Variants in TIAM1 observed in about 807,000 individuals in gnomAD.
TIAM1 encodes TIAM Rac1 associated GEF 1, also known as rho guanine nucleotide exchange factor TIAM1.
In TIAM1, 65 loss-of-function variants were observed where a neutral mutation model predicts 163.5. The ratio of observed to expected loss-of-function variants is 0.40; its 90% CI spans 0.33 to 0.49. The LOEUF (loss-of-function observed/expected upper bound fraction) is 0.49, where lower values mean the gene tolerates loss of function less well. Among genes scored for constraint, TIAM1 ranks in the 20% least tolerant of loss-of-function variants. TIAM1 has a pLI of 0.77. For synonymous variants in TIAM1, 833 were observed against 810.1 expected, an observed-to-expected ratio of 1.03 and a Z score of -0.48; for missense variants, 1,789 against 2,044.7, an observed-to-expected ratio of 0.87 and a Z score of 2.41.
At chr21:31,278,582 A>G (rs1299929564) in intron 2 of TIAM1, among the ~76,000 whole-genome samples, 3 of 152,236 alleles carry the variant, frequency 2.0e-5, no homozygotes, top group African/African-American at 7.2e-5. Flanking sequence ...AAAACTGCCT[A>G]TTTTGTGGAA....
intron 2 of TIAM1, among the ~76,000 whole-genome samples, chr21:31,417,836 T>C (rs1338066913): frequency 6.6e-6 from 1 of 152,090 alleles, no homozygotes; most frequent in Non-Finnish European, 1.5e-5. Context: ...ATTATGTAAC[T>C]ACCTGGGGAA....
intron 1 of TIAM1, among the ~76,000 whole-genome samples, chr21:31,483,980 T>C (rs928582183): frequency 2.6e-5 from 4 of 152,166 alleles, no homozygotes; most frequent in Admixed American, 6.6e-5. Context: ...TGAAATGTGA[T>C]GGCCTTTGAA....
At chr21:31,403,639 C>T (rs914570239) in intron 2 of TIAM1, among the ~76,000 whole-genome samples, 1 of 152,106 alleles carries the variant, frequency 6.6e-6, no homozygotes, top group Non-Finnish European at 1.5e-5. Context: ...TTCAGCCTTA[C>T]TGGTTTCAAA....
chr21:31,182,729 C>A, intron 14 of TIAM1, 84 bp from the exon 15 acceptor site: 6 of 1,389,422 alleles, frequency 4.3e-6, no homozygotes, highest in Admixed American at 4.5e-5. Flanking sequence ...AAAGGGCACA[C>A]CTGCTGTGGG....
chr21:31,519,806 T>A (rs2047517282), intron 1 of TIAM1, among the ~76,000 whole-genome samples: 1 of 151,916 alleles, frequency 6.6e-6, no homozygotes, highest in African/African-American at 2.4e-5. Context: ...AAAAGACAAA[T>A]ACTGTTAAGA....
intron 2 of TIAM1, among the ~76,000 whole-genome samples, chr21:31,455,279 CAAAAAAAAAAA>C (rs59134253): frequency 2.4e-5 from 2 of 84,032 alleles, no homozygotes; most frequent in African/African-American, 9.2e-5. Context: ...AACTCTGCCT[CAAAAAAAAAAA>C]AAAAAAAAAA....
intron 1 of TIAM1, among the ~76,000 whole-genome samples, chr21:31,504,325 G>A (rs536833444): frequency 2.6e-5 from 4 of 152,314 alleles, no homozygotes; most frequent in East Asian, 1.9e-4. Context: ...GGGCATGGCC[G>A]CTGAGAAGTG....
At chr21:31,544,141 C>T (rs1225572571) in intron 1 of TIAM1, among the ~76,000 whole-genome samples, 3 of 151,684 alleles carry the variant, frequency 2.0e-5, no homozygotes, top group Non-Finnish European at 4.4e-5. Flanking sequence ...ACCTGGGAGG[C>T]GGAGGTTGCA....
At chr21:31,468,021 G>T (rs1012475887) in intron 1 of TIAM1, among the ~76,000 whole-genome samples, 1 of 151,206 alleles carries the variant, frequency 6.6e-6, no homozygotes, top group Admixed American at 6.6e-5. Context: ...GGGAGGTGGA[G>T]GTTGCAGTGA....
chr21:31,206,690 T>C (rs973227081), intron 11 of TIAM1, among the ~76,000 whole-genome samples: 2 of 152,328 alleles, frequency 1.3e-5, no homozygotes, highest in East Asian at 3.9e-4. Context: ...TAAATTCGCA[T>C]CTTACTATGA....
chr21:31,535,089 C>CA lies in TIAM1; in HGVS notation c.-422+23837dup, dbSNP rs756003129. ...TGGGTGACAGAGGAAGACCCTGTCT[C>CA]AAAAAAAAAAAGGCTGAGCGCAGTG... On this transcript the variant is annotated intron_variant, in intron 1 of 28. Transcript: ENST00000286827. Among the ~76,000 whole-genome samples the CA allele has an allele frequency of 5.3e-3, 735 of 139,870 alleles. 2 individuals carry two copies. Among genetic ancestry groups the CA allele is most frequent in the African/African-American group, 0.015 (565 of 38,130 alleles). 91.8% of individuals were successfully genotyped at this position (139,870 alleles called of 152,430 possible). A position where few individuals can be genotyped will look rare whatever the true frequency, so the allele number is the denominator to read the frequency against.
chr21:31,243,732 G>T (rs1312714230), intron 6 of TIAM1, among the ~76,000 whole-genome samples: 1 of 152,064 alleles, frequency 6.6e-6, no homozygotes, highest in Admixed American at 6.6e-5. Context: ...ACTGTTTAAC[G>T]ACAAAGTCAC....
At chr21:31,319,051 AT>A (rs1444994685) in intron 2 of TIAM1, among the ~76,000 whole-genome samples, 9 of 151,988 alleles carry the variant, frequency 5.9e-5, no homozygotes, top group African/African-American at 2.2e-4. Context: ...TTTGAATCAA[AT>A]TTTTTTGTGT....
At chr21:31,239,839 T>C (rs988824403) in intron 6 of TIAM1, among the ~76,000 whole-genome samples, 1 of 152,186 alleles carries the variant, frequency 6.6e-6, no homozygotes, top group Non-Finnish European at 1.5e-5. Flanking sequence ...AGTATCAAGT[T>C]TGCAAAGATG....
chr21:31,189,912 T>C (rs1295678234), intron 13 of TIAM1, among the ~76,000 whole-genome samples: 1 of 152,174 alleles, frequency 6.6e-6, no homozygotes, highest in Non-Finnish European at 1.5e-5. Flanking sequence ...TTCTTTTAAA[T>C]AGGACAGCAA....
At chr21:31,403,364 G>A (rs1331583926) in intron 2 of TIAM1, among the ~76,000 whole-genome samples, 1 of 152,130 alleles carries the variant, frequency 6.6e-6, no homozygotes, top group Non-Finnish European at 1.5e-5. Context: ...AGCCAGGATG[G>A]TCTCGATCTC....
Position 31,379,861 on chromosome 21 carries a change from G to C in TIAM1, c.-368-40439C>G, listed in dbSNP as rs2076748389. The stretch of plus-strand genomic sequence containing the variant: ...AATTAAATGGTTGGGGTTGGGGATT[G>C]GGTGAGAAGAGCTGGAGGGAAATAC... On this transcript the variant is annotated intron_variant, in intron 2 of 28. Coordinates refer to the TIAM1 transcript ENST00000286827. Among the ~76,000 whole-genome samples, 3 of 152,198 alleles carry C rather than the reference G, an allele frequency of 2.0e-5. No homozygotes were observed. The South Asian group carries it at 6.2e-4, about 31-fold the overall frequency.
At chr21:31,122,235 A>G (rs74427658) in intron 27 of TIAM1, among the ~76,000 whole-genome samples, 1 of 152,328 alleles carries the variant, frequency 6.6e-6, no homozygotes, top group East Asian at 1.9e-4. Context: ...AATAAAAGCC[A>G]TTTCCAGGCA....
Position 31,120,821 on chromosome 21 carries a change from C to T in TIAM1, c.4323G>A (p.Lys1441=). 1 of 1,612,164 alleles carries T rather than the reference C, an allele frequency of 6.2e-7. No individual in the cohort carries two copies. Among genetic ancestry groups the T allele is most frequent in the African/African-American group, 1.3e-5 (1 of 75,002 alleles). Residue 1441 remains lysine, a synonymous_variant, in exon 28 of 28, where the codon AAG becomes AAA. Transcript: ENST00000541036. The surrounding 1 kb of genome is among the most constrained non-coding windows in gnomAD (Gnocchi z 4.2). The stretch of plus-strand genomic sequence containing the variant: ...GCCGCCGCCTCCTCCTCCCAAGAGA[C>T]TTGCTTGGGGCAGACACTGCACACA... The part of the protein sequence containing the change: ...AMSRAVSAPS[K]SLGRRRRRLA...
Sources: allele counts gnomAD v4.1 joint callset (sites outside exome capture counted in the v4.1 genomes callset), GRCh38; gene constraint gnomAD v4.1.1; non-coding constraint Gnocchi (gnomAD v3.1); transcripts MANE v1.5; gene names NCBI Gene and HGNC (gene_info 2026-07-23, HGNC 2026-07-21).